The following CARF variants were observed in gnomAD, a reference collection of about 807,000 sequenced individuals.
The protein encoded by CARF is calcium-responsive transcription factor.
Under a neutral mutation model 82.0 loss-of-function variants are expected in CARF, and 57 were observed. The ratio of observed to expected loss-of-function variants is 0.70; its 90% CI spans 0.56 to 0.87. The LOEUF (loss-of-function observed/expected upper bound fraction) is 0.87. Ranked by LOEUF, CARF falls within the 40% of genes least tolerant of loss-of-function variation. The pLI is 0.00. For missense variants in CARF, 771 were observed against 855.8 expected (o/e 0.90, Z 1.24); for synonymous variants, 268 against 290.1 (o/e 0.92, Z 0.77).
intron 11 of CARF, among the ~76,000 whole-genome samples, chr2:202,970,863 T>TC (rs1346281633): frequency 6.6e-6 from 1 of 151,662 alleles, no homozygotes; most frequent in Non-Finnish European, 1.5e-5. Flanking sequence ...ACTTTTCTTT[T>TC]TTTTTTTTTT....
At chr2:202,979,634 C>G (rs1046712024) in intron 14 of CARF, among the ~76,000 whole-genome samples, 4 of 151,808 alleles carry the variant, frequency 2.6e-5, no homozygotes, top group African/African-American at 4.8e-5. Context: ...AACCCTGTCT[C>G]TACTAAAAAT....
rs890758607 is a variant in CARF, at chr2:202,982,579, AAGG to A, written c.2059+144_2059+146del. 9.4e-5 allele frequency: 83 copies of A among 880,504 alleles called. 1 individual carries two copies. The highest frequency in any genetic ancestry group is 7.9e-4 in the South Asian group (41 of 51,592). 54.5% of individuals were successfully genotyped at this position (880,504 alleles called of 1,614,324 possible). ...TAAATGAAGCAAAATTATGAGAGAG[AAGG>A]AGGAGATTTCATTACCCTGCGTTTC... On this transcript the variant is annotated intron_variant, in intron 16 of 16. Coordinates refer to ENST00000438828, the MANE Select transcript of CARF (RefSeq NM_024744.17).
chr2:202,946,536 C>T (rs2058506611), intron 5 of CARF, among the ~76,000 whole-genome samples: 1 of 152,194 alleles, frequency 6.6e-6, no homozygotes, highest in East Asian at 1.9e-4. Context: ...AAACCTAAAA[C>T]TATAAAAACC....
chr2:202,951,808 C>T (rs997452246), intron 5 of CARF, among the ~76,000 whole-genome samples: 1 of 151,296 alleles, frequency 6.6e-6, no homozygotes, highest in African/African-American at 2.4e-5. Flanking sequence ...AAAATAAATC[C>T]TATTTAATTA....
chr2:202,977,169 A>C, intron 13 of CARF, 100 bp from the exon 14 acceptor site: 2 of 854,660 alleles, frequency 2.3e-6, no homozygotes, highest in Non-Finnish European at 3.8e-6. Context: ...TGCAGAATAA[A>C]TCACATACTG....
chr2:202,964,407 G>C (rs575306396), intron 9 of CARF, among the ~76,000 whole-genome samples: 125 of 152,176 alleles, frequency 8.2e-4, no homozygotes, highest in Non-Finnish European at 1.6e-3. Flanking sequence ...AGCTTCATGA[G>C]TAGCTGGGAC....
At position 202,954,094 on chromosome 2, in the gene CARF, C is replaced by G. The variant is rs753470288; in HGVS notation, c.517C>G (p.Pro173Ala). 7.9e-5 allele frequency: 127 copies of G among 1,613,216 alleles called. No individual in the cohort carries two copies. The highest frequency in any genetic ancestry group is 1.1e-4 in the Non-Finnish European group (126 of 1,179,650). ...CAATACCAGCAATTACATTCTTCATCCTCAAACATCCTTCCCATTGCCCAA... is the reference window on the plus strand; with the variant it reads ...CAATACCAGCAATTACATTCTTCATGCTCAAACATCCTTCCCATTGCCCAA... Reference protein sequence around the residue: ...ADNTSNYILHPQTSFPLPKKS... With the variant: ...ADNTSNYILHAQTSFPLPKKS... Residue 173 changes from proline (P) to alanine (A), a missense_variant, in exon 7 of 17, where the codon CCT becomes GCT. By Grantham distance (27) the Pro-to-Ala change is conservative. Coordinates refer to ENST00000438828, the MANE Select transcript of CARF (RefSeq NM_024744.17).
chr2:202,981,210 C>A lies in CARF; in HGVS notation c.1559-345C>A, dbSNP rs370287285. Among the ~76,000 whole-genome samples the A allele has an allele frequency of 2.6e-5, 4 of 152,256 alleles. No individual in the cohort carries two copies. The South Asian group carries it at 8.3e-4, about 32-fold the overall frequency. ...ATGGTTTTGGGATTAAACTGTTCCA[C>A]CTCAGATCATCAGGCATTAGATTCT... On this transcript the variant is annotated intron_variant, in intron 14 of 16. Coordinates refer to ENST00000438828, the MANE Select transcript of CARF (RefSeq NM_024744.17).
intron 8 of CARF, among the ~76,000 whole-genome samples, chr2:202,956,057 T>C (rs2105862765): frequency 6.6e-6 from 1 of 152,212 alleles, no homozygotes; most frequent in African/African-American, 2.4e-5. Flanking sequence ...AACCATTTAT[T>C]TTCTTTCTTT....
chr2:202,981,284 C>G (rs2060251794), intron 14 of CARF, among the ~76,000 whole-genome samples: 1 of 152,284 alleles, frequency 6.6e-6, no homozygotes, highest in African/African-American at 2.4e-5. Context: ...TTCTGCTGAT[C>G]TAACACGAGG....
In CARF at chr2:202,960,320, A is replaced by G. The variant is rs186341772; in HGVS notation, c.643-917A>G. Among the ~76,000 whole-genome samples, 325 of 151,680 alleles carry G rather than the reference A, an allele frequency of 2.1e-3. 2 individuals carry two copies. The highest frequency in any genetic ancestry group is 7.4e-3 in the African/African-American group (304 of 41,334). On this transcript the variant is annotated intron_variant, in intron 8 of 16. Transcript: ENST00000438828. ...GCTGGAGCGCAATGGCACAATCTCA[A>G]CTCACTGCAACCTCCGTCTCCCAGG...
At chr2:202,941,650 A>G (rs2058234986) in intron 3 of CARF, among the ~76,000 whole-genome samples, 1 of 152,210 alleles carries the variant, frequency 6.6e-6, no homozygotes, top group African/African-American at 2.4e-5. Context: ...AGGGAACTAT[A>G]TAACACTAAT....
chr2:202,961,699 A>T (rs1048697805), intron 9 of CARF: 1 of 458,606 alleles, frequency 2.2e-6, no homozygotes, highest in Admixed American at 3.9e-5. Flanking sequence ...CTATTTAATA[A>T]AATGTTAAAA....
At chr2:202,949,102 G>A (rs965614486) in intron 5 of CARF, among the ~76,000 whole-genome samples, 3 of 152,194 alleles carry the variant, frequency 2.0e-5, no homozygotes, top group Non-Finnish European at 2.9e-5. Context: ...TTGGGAGGCT[G>A]AGGTGGGCAG....
At chr2:202,939,758 G>C (rs1291935544) in intron 3 of CARF, among the ~76,000 whole-genome samples, 1 of 127,130 alleles carries the variant, frequency 7.9e-6, no homozygotes, top group African/African-American at 3.0e-5. Flanking sequence ...GCATGATTAT[G>C]GCTCACTGCG....
rs149069557 is a variant in CARF, at chr2:202,942,710, C to T, written c.79-30C>T. 6.2e-4 allele frequency: 922 copies of T among 1,479,740 alleles called. 5 individuals carry two copies. The African/African-American group carries it at 0.011, about 18-fold the overall frequency. The allele number at this position is 1,479,740 out of a possible 1,614,324, so 91.7% of individuals were successfully genotyped here. On this transcript the variant is annotated intron_variant, in intron 4 of 16. Transcript: ENST00000438828. ...CATCTTTAAAAAAAATGGTGATAGA[C>T]TGAAGTGATTTTTTTTTTCCTTACA...
Position 202,970,127 on chromosome 2 carries a change from G to T in CARF, c.1097+65G>T, listed in dbSNP as rs1309934936. The T allele has an allele frequency of 2.9e-6, 4 of 1,386,168 alleles. No homozygotes were observed. The East Asian group carries it at 1.1e-4, about 37-fold the overall frequency. 85.9% of individuals were successfully genotyped at this position (1,386,168 alleles called of 1,614,324 possible). ...TAGCTCAATTTGCAAGAATTATTTT[G>T]TAAGGGAAATTATAGTTTTCCAACT... On this transcript the variant is annotated intron_variant, in intron 11 of 16. Transcript: ENST00000438828.
At chr2:202,982,928 C>G (rs1388857464) in intron 16 of CARF, among the ~76,000 whole-genome samples, 1 of 152,160 alleles carries the variant, frequency 6.6e-6, no homozygotes, top group Non-Finnish European at 1.5e-5. Flanking sequence ...TTCTGTCACC[C>G]AGGCTGGAGT....
chr2:202,919,778 C>T (rs1320538855), intron 2 of CARF, among the ~76,000 whole-genome samples: 3 of 152,112 alleles, frequency 2.0e-5, no homozygotes, highest in Non-Finnish European at 4.4e-5. Flanking sequence ...TAATAGAGTA[C>T]GGGCTTTGAA....
Sources: allele counts gnomAD v4.1 joint callset (sites outside exome capture counted in the v4.1 genomes callset), GRCh38; gene constraint gnomAD v4.1.1; transcripts MANE v1.5; gene names NCBI Gene and HGNC (gene_info 2026-07-23, HGNC 2026-07-21).